Variants in STXBP5L observed in about 807,000 individuals in gnomAD.
The protein encoded by STXBP5L is syntaxin-binding protein 5-like.
Under a neutral mutation model 144.5 loss-of-function variants are expected in STXBP5L, and 65 were observed. The ratio of observed to expected loss-of-function variants is 0.45; its 90% CI spans 0.37 to 0.55. The LOEUF is 0.55. STXBP5L is among the 20% of genes least tolerant of loss of function. The pLI is 0.00. For missense variants in STXBP5L, 1,298 were observed against 1,405.5 expected, an observed-to-expected ratio of 0.92 and a Z score of 1.22; for synonymous variants, 505 against 469.6, an observed-to-expected ratio of 1.08 and a Z score of -0.97.
At chr3:120,941,110 A>G (rs1710546269) in intron 2 of STXBP5L, among the ~76,000 whole-genome samples, 1 of 151,718 alleles carries the variant, frequency 6.6e-6, no homozygotes, top group Non-Finnish European at 1.5e-5. Flanking sequence ...CTCAATCATG[A>G]GTTTTGGGGT....
At chr3:121,004,830 T>G (rs989082495) in intron 3 of STXBP5L, among the ~76,000 whole-genome samples, 1 of 152,212 alleles carries the variant, frequency 6.6e-6, no homozygotes, top group Non-Finnish European at 1.5e-5. Context: ...TGTCATTGGT[T>G]TTATTTATAT....
chr3:121,266,058 A>G (rs2108404818), intron 18 of STXBP5L, among the ~76,000 whole-genome samples: 2 of 152,316 alleles, frequency 1.3e-5, no homozygotes, highest in South Asian at 4.1e-4. Flanking sequence ...TACAAAGAGG[A>G]GCTGGTACCA....
intron 9 of STXBP5L, among the ~76,000 whole-genome samples, chr3:121,189,952 T>A (rs925630933): frequency 6.6e-6 from 1 of 152,220 alleles, no homozygotes; most frequent in Non-Finnish European, 1.5e-5. Context: ...AAAGCACTTA[T>A]AAGTGTAATC....
chr3:120,999,978 G>A (rs983019592), intron 3 of STXBP5L, among the ~76,000 whole-genome samples: 1 of 152,108 alleles, frequency 6.6e-6, no homozygotes, highest in Non-Finnish European at 1.5e-5. Context: ...TGAAAGTTCT[G>A]CTGTTAGCCT....
At chr3:121,099,416 A>C (rs781560118) in intron 5 of STXBP5L, 1 of 152,254 alleles carries the variant, frequency 6.6e-6, no homozygotes, top group Non-Finnish European at 1.5e-5. Context: ...AAGACAGTTC[A>C]GAGTGGAGTT....
At chr3:121,101,791 C>G (rs931577621) in intron 5 of STXBP5L, among the ~76,000 whole-genome samples, 40 of 151,966 alleles carry the variant, frequency 2.6e-4, no homozygotes, top group African/African-American at 9.2e-4. Flanking sequence ...AGAAGAAAAA[C>G]TATGTCTTTT....
intron 3 of STXBP5L, among the ~76,000 whole-genome samples, chr3:121,021,770 T>C (rs1299356443): frequency 6.6e-6 from 1 of 152,132 alleles, no homozygotes; most frequent in Non-Finnish European, 1.5e-5. Flanking sequence ...AAGCTGATGC[T>C]AAGAGGAAAG....
chr3:121,118,441 T>A (rs2044322554), intron 6 of STXBP5L, among the ~76,000 whole-genome samples: 1 of 151,666 alleles, frequency 6.6e-6, no homozygotes, highest in African/African-American at 2.4e-5. Context: ...TGCCCAGAAA[T>A]TTTAAGTACT....
At chr3:121,117,051 C>A (rs1039469240) in intron 6 of STXBP5L, among the ~76,000 whole-genome samples, 2 of 151,796 alleles carry the variant, frequency 1.3e-5, no homozygotes, top group Non-Finnish European at 1.5e-5. Flanking sequence ...TGTAACAAAT[C>A]CTTTTCATGG....
At chr3:121,184,575 A>G (rs886174125) in intron 9 of STXBP5L, among the ~76,000 whole-genome samples, 1 of 152,132 alleles carries the variant, frequency 6.6e-6, no homozygotes, top group Non-Finnish European at 1.5e-5. Context: ...TGAAAAGACC[A>G]AATCTACATT....
intron 5 of STXBP5L, among the ~76,000 whole-genome samples, chr3:121,085,458 C>G (rs2042442879): frequency 6.6e-6 from 1 of 152,160 alleles, no homozygotes. Context: ...AACTGATAAG[C>G]AACTTCAGCA....
intron 3 of STXBP5L, among the ~76,000 whole-genome samples, chr3:121,007,262 C>T (rs1013286497): frequency 6.6e-5 from 10 of 151,938 alleles, no homozygotes; most frequent in African/African-American, 2.2e-4. Context: ...CATTATCTAT[C>T]TTATATATTG....
At chr3:121,002,210 A>T (rs1943838375) in intron 3 of STXBP5L, among the ~76,000 whole-genome samples, 2 of 152,102 alleles carry the variant, frequency 1.3e-5, no homozygotes, top group Admixed American at 6.6e-5. Flanking sequence ...ATTCTCATCA[A>T]CACTTATCTT....
chr3:121,342,756 T>G (rs1315808450), intron 20 of STXBP5L, among the ~76,000 whole-genome samples: 1 of 147,720 alleles, frequency 6.8e-6, no homozygotes, highest in Non-Finnish European at 1.5e-5. Context: ...TTGTTGGACA[T>G]TTGGGTTGGT....
At chr3:121,134,604 G>A (rs1432309097) in intron 7 of STXBP5L, among the ~76,000 whole-genome samples, 2 of 150,800 alleles carry the variant, frequency 1.3e-5, no homozygotes, top group Non-Finnish European at 2.9e-5. Context: ...CCCTTCCTGT[G>A]TCCAAGTGTT....
At chr3:121,405,737 C>T (rs543699063) in intron 22 of STXBP5L, among the ~76,000 whole-genome samples, 6 of 152,136 alleles carry the variant, frequency 3.9e-5, no homozygotes, top group African/African-American at 1.2e-4. Context: ...GAATTCTAAA[C>T]GATTAATAAT....
intron 5 of STXBP5L, among the ~76,000 whole-genome samples, chr3:121,090,247 T>C (rs1342381570): frequency 6.6e-6 from 1 of 152,148 alleles, no homozygotes; most frequent in Non-Finnish European, 1.5e-5. Flanking sequence ...GTTGTGTTAT[T>C]AATGATAGGT....
At chr3:121,362,415 G>T (rs1482783072) in intron 20 of STXBP5L, among the ~76,000 whole-genome samples, 2 of 152,184 alleles carry the variant, frequency 1.3e-5, no homozygotes, top group Non-Finnish European at 2.9e-5. Flanking sequence ...CAGAAGTGCT[G>T]TCTGGGAGCC....
chr3:121,144,314 G>C (rs1456219580), intron 7 of STXBP5L, among the ~76,000 whole-genome samples: 1 of 151,738 alleles, frequency 6.6e-6, no homozygotes, highest in African/African-American at 2.4e-5. Context: ...CAGAGCATTA[G>C]ATTTTATATA....
Sources: gnomAD v4.1 joint callset for allele counts (sites outside exome capture counted in the v4.1 genomes callset) on GRCh38, gnomAD v4.1.1 for gene constraint, MANE v1.5 for transcripts, NCBI Gene and HGNC (gene_info 2026-07-23, HGNC 2026-07-21) for gene names.